The following CHCHD6 variants were observed in gnomAD, a reference collection of about 807,000 sequenced individuals.
CHCHD6 encodes the protein coiled-coil-helix-coiled-coil-helix domain containing 6.
In CHCHD6, 28 loss-of-function variants were observed where a neutral mutation model predicts 32.3. That is an observed-to-expected ratio of 0.87 (90% CI 0.64 to 1.19). The LOEUF is 1.19. CHCHD6 is among the 50% of genes most tolerant of loss of function. CHCHD6 has a pLI of 0.00. For synonymous variants in CHCHD6, 122 were observed against 117.5 expected, an observed-to-expected ratio of 1.04 and a Z score of -0.25; for missense variants, 333 against 307.0, an observed-to-expected ratio of 1.08 and a Z score of -0.63.
At chr3:126,753,063 C>G (rs1460619663) in intron 4 of CHCHD6, among the ~76,000 whole-genome samples, 1 of 152,124 alleles carries the variant, frequency 6.6e-6, no homozygotes, top group East Asian at 1.9e-4. Flanking sequence ...TGCACTAGTC[C>G]TTCTCTTGGT....
At chr3:126,791,769 C>T (rs938972682) in intron 4 of CHCHD6, among the ~76,000 whole-genome samples, 4 of 152,136 alleles carry the variant, frequency 2.6e-5, no homozygotes, top group Non-Finnish European at 5.9e-5. Context: ...GCCACCATGC[C>T]CAGCTAAGTT....
chr3:126,907,706 C>T (rs904791442), intron 5 of CHCHD6, among the ~76,000 whole-genome samples: 10 of 152,210 alleles, frequency 6.6e-5, no homozygotes, highest in Non-Finnish European at 7.3e-5. Flanking sequence ...ATCTGTTCCT[C>T]TCAGATTTCT....
chr3:126,795,245 G>C (rs1344519131), intron 4 of CHCHD6, among the ~76,000 whole-genome samples: 1 of 152,148 alleles, frequency 6.6e-6, no homozygotes, highest in African/African-American at 2.4e-5. Flanking sequence ...CATTTATAAG[G>C]TGTTTTCCCT....
At chr3:126,827,148 C>A (rs1264733632) in intron 4 of CHCHD6, among the ~76,000 whole-genome samples, 1 of 152,140 alleles carries the variant, frequency 6.6e-6, no homozygotes, top group Non-Finnish European at 1.5e-5. Context: ...TGAGCAAGAA[C>A]CAGATTCTTT....
At chr3:126,893,309 G>C (rs1157705430) in intron 5 of CHCHD6, among the ~76,000 whole-genome samples, 1 of 152,206 alleles carries the variant, frequency 6.6e-6, no homozygotes, top group African/African-American at 2.4e-5. Context: ...GAATAGAACA[G>C]TAAATAATTA....
intron 4 of CHCHD6, among the ~76,000 whole-genome samples, chr3:126,733,801 A>G (rs1039015207): frequency 3.3e-5 from 5 of 152,168 alleles, no homozygotes; most frequent in Non-Finnish European, 5.9e-5. Flanking sequence ...TAATACATTT[A>G]AGTGATGGGT....
intron 1 of CHCHD6, among the ~76,000 whole-genome samples, chr3:126,726,228 G>A (rs946861758): frequency 2.0e-4 from 31 of 152,070 alleles, no homozygotes; most frequent in African/African-American, 7.0e-4. Context: ...ATTTTGTTGT[G>A]TCTCAGGGGA....
rs138260296 is a variant in CHCHD6, at chr3:126,784,164, G to A, written c.411+50942G>A. Among the ~76,000 whole-genome samples the A allele has an allele frequency of 4.4e-3, 676 of 152,168 alleles. 4 individuals carry two copies. The highest frequency in any genetic ancestry group is 4.7e-3 in the Non-Finnish European group (321 of 67,996). On this transcript the variant is annotated intron_variant, in intron 4 of 7. Coordinates refer to ENST00000290913, the MANE Select transcript of CHCHD6 (RefSeq NM_032343.3). ...AGGAATCTATTTCACACTCCCCACCGCCTCATGGTTTTCTTTTCCTCAGTG... is the reference window on the plus strand; with the variant it reads ...AGGAATCTATTTCACACTCCCCACCACCTCATGGTTTTCTTTTCCTCAGTG...
At chr3:126,739,386 A>G (rs1287193572) in intron 4 of CHCHD6, among the ~76,000 whole-genome samples, 3 of 152,238 alleles carry the variant, frequency 2.0e-5, no homozygotes, top group African/African-American at 4.8e-5. Flanking sequence ...TGTAAAAACC[A>G]TACTTAGCTC....
chr3:126,785,603 C>T (rs1400518348), intron 4 of CHCHD6, among the ~76,000 whole-genome samples: 1 of 152,118 alleles, frequency 6.6e-6, no homozygotes, highest in Non-Finnish European at 1.5e-5. Context: ...GTAAAATTTA[C>T]ATAATATAAA....
At chr3:126,903,101 G>A (rs2077954387) in intron 5 of CHCHD6, among the ~76,000 whole-genome samples, 1 of 152,236 alleles carries the variant, frequency 6.6e-6, no homozygotes, top group Admixed American at 6.5e-5. Flanking sequence ...GCTCTCAGGA[G>A]TGTGGCTGGC....
intron 4 of CHCHD6, among the ~76,000 whole-genome samples, chr3:126,791,709 A>G (rs989257707): frequency 2.0e-5 from 3 of 152,214 alleles, no homozygotes; most frequent in Non-Finnish European, 2.9e-5. Context: ...TCCCAGGTTC[A>G]AGAGATTCTC....
At chr3:126,786,475 CCTCT>C (rs1463280891) in intron 4 of CHCHD6, among the ~76,000 whole-genome samples, 1 of 152,152 alleles carries the variant, frequency 6.6e-6, no homozygotes, top group Non-Finnish European at 1.5e-5. Context: ...TTCTCCACAT[CCTCT>C]CCAGCACCTG....
At chr3:126,763,313 TTTTTCCCCCTCTTCTCCC>T in intron 4 of CHCHD6, among the ~76,000 whole-genome samples, 1 of 114,334 alleles carries the variant, frequency 8.7e-6, no homozygotes, top group South Asian at 4.3e-4. Flanking sequence ...TCTTCTCCCC[TTTTTCCCCCTCTTCTCCC>T]TCCCCCTCCT....
chr3:126,736,494 G>T (rs1435575466), intron 4 of CHCHD6, among the ~76,000 whole-genome samples: 2 of 152,194 alleles, frequency 1.3e-5, no homozygotes, highest in East Asian at 3.9e-4. Flanking sequence ...TATGTAATGT[G>T]CTCTTCCACC....
intron 6 of CHCHD6, 77 bp from the exon 7 acceptor site, chr3:126,957,339 G>T: frequency 6.5e-7 from 1 of 1,530,320 alleles, no homozygotes; most frequent in East Asian, 2.3e-5. Flanking sequence ...GGAGGTAGGT[G>T]GAGTGAATGT....
At chr3:126,887,315 A>G (rs1419352993) in intron 5 of CHCHD6, among the ~76,000 whole-genome samples, 25 of 152,118 alleles carry the variant, frequency 1.6e-4, no homozygotes, top group Admixed American at 1.6e-3. Context: ...CATAGCTGTG[A>G]GGATTAATGA....
intron 6 of CHCHD6, among the ~76,000 whole-genome samples, chr3:126,919,178 ATGTAGTGTTC>A (rs1362164787): frequency 6.6e-6 from 1 of 151,878 alleles, no homozygotes; most frequent in African/African-American, 2.4e-5. Flanking sequence ...TGTCAGTAAG[ATGTAGTGTTC>A]TGTATTGTCA....
chr3:126,704,596 G>A (rs1934383267), intron 1 of CHCHD6, among the ~76,000 whole-genome samples, 197 bp downstream of exon 1: 1 of 152,204 alleles, frequency 6.6e-6, no homozygotes, highest in Non-Finnish European at 1.5e-5. Flanking sequence ...CGCGACATGG[G>A]CTTCAGGGAA....
Sources: gnomAD v4.1 joint callset for allele counts (sites outside exome capture counted in the v4.1 genomes callset) on GRCh38, gnomAD v4.1.1 for gene constraint, MANE v1.5 for transcripts, NCBI Gene and HGNC (gene_info 2026-07-23, HGNC 2026-07-21) for gene names.